PCNX2: variants seen among roughly 807,000 people sequenced by gnomAD.
PCNX2 encodes the protein pecanex 2, also known as pecanex-like protein 2.
A neutral mutation model predicts 223.8 loss-of-function variants in PCNX2; 168 were observed. That is an observed-to-expected ratio of 0.75 (90% confidence interval 0.66 to 0.85). The LOEUF (loss-of-function observed/expected upper bound fraction) is 0.85, where lower values mean the gene tolerates loss of function less well. Among genes scored for constraint, PCNX2 ranks in the 40% least tolerant of loss-of-function variants. PCNX2 has a pLI of 0.00. For missense variants in PCNX2, 2,507 were observed against 2,675.5 expected (o/e 0.94, Z 1.39); for synonymous variants, 1,006 against 1,052.6 (o/e 0.96, Z 0.86).
At chr1:232,993,433 G>A (rs1448926834) in intron 32 of PCNX2, among the ~76,000 whole-genome samples, 1 of 152,194 alleles carries the variant, frequency 6.6e-6, no homozygotes, top group Non-Finnish European at 1.5e-5. Context: ...TTCACAAGGT[G>A]ACCTGGCTTA....
chr1:233,206,927 C>T (rs1681502892), intron 13 of PCNX2, among the ~76,000 whole-genome samples: 1 of 151,680 alleles, frequency 6.6e-6, no homozygotes, highest in Admixed American at 6.6e-5. Flanking sequence ...TGGAGAATCG[C>T]TTGAATCCAG....
At chr1:233,026,270 C>A (rs1399171846) in intron 25 of PCNX2, among the ~76,000 whole-genome samples, 1 of 152,112 alleles carries the variant, frequency 6.6e-6, no homozygotes, top group African/African-American at 2.4e-5. Flanking sequence ...CAGATGACTA[C>A]GTCCAAGGCC....
chr1:233,321,938 C>T, the PCNX2 span, among the ~76,000 whole-genome samples: 1 of 151,982 alleles, frequency 6.6e-6, no homozygotes, highest in Admixed American at 6.6e-5. Flanking sequence ...CCTTGTAGAC[C>T]CCCTGAAAAG....
the PCNX2 span, among the ~76,000 whole-genome samples, chr1:233,322,795 C>T: frequency 2.0e-5 from 3 of 151,808 alleles, no homozygotes; most frequent in African/African-American, 7.3e-5. Context: ...CCCTTGATCT[C>T]TGCATGACCC....
At chr1:233,083,675 C>G (rs375743477) in intron 23 of PCNX2, among the ~76,000 whole-genome samples, 11 of 152,228 alleles carry the variant, frequency 7.2e-5, no homozygotes, top group Admixed American at 5.9e-4. Context: ...AACCATAAAA[C>G]CGTGGGACTT....
chr1:233,267,799 G>A (rs1295779822), intron 1 of PCNX2, among the ~76,000 whole-genome samples: 1 of 152,038 alleles, frequency 6.6e-6, no homozygotes. Flanking sequence ...TCTACCTTTT[G>A]GCTACTGTGA....
chr1:233,027,968 T>C (rs2102837736), intron 25 of PCNX2, among the ~76,000 whole-genome samples: 1 of 152,378 alleles, frequency 6.6e-6, no homozygotes, highest in East Asian at 1.9e-4. Flanking sequence ...AGTTATTTTG[T>C]GATTAACTTA....
intron 1 of PCNX2, among the ~76,000 whole-genome samples, chr1:233,283,130 G>A (rs1290964884): frequency 1.1e-5 from 1 of 91,734 alleles, no homozygotes; most frequent in Non-Finnish European, 2.6e-5. Flanking sequence ...TTTTAGGACT[G>A]AGCAAATGAT....
intron 32 of PCNX2, among the ~76,000 whole-genome samples, chr1:232,996,597 AC>A (rs1669883166): frequency 6.6e-6 from 1 of 151,872 alleles, no homozygotes; most frequent in Admixed American, 6.6e-5. Context: ...CTATCTATCT[AC>A]CTACCTAGCT....
At chr1:233,279,241 C>CG (rs1404295550) in intron 1 of PCNX2, among the ~76,000 whole-genome samples, 1 of 152,006 alleles carries the variant, frequency 6.6e-6, no homozygotes, top group Admixed American at 6.6e-5. Flanking sequence ...TTGTTTGAGA[C>CG]AAGGTCTCAC....
At chr1:233,140,846 CCCCTCTCATT>C (rs1677062220) in intron 19 of PCNX2, among the ~76,000 whole-genome samples, 1 of 152,164 alleles carries the variant, frequency 6.6e-6, no homozygotes, top group South Asian at 2.1e-4. Flanking sequence ...CTCGGCTAGG[CCCCTCTCATT>C]CCCTGCCCCC....
intron 25 of PCNX2, among the ~76,000 whole-genome samples, chr1:233,044,436 GC>G (rs1167867234): frequency 2.0e-5 from 3 of 151,968 alleles, no homozygotes; most frequent in Non-Finnish European, 4.4e-5. Context: ...ATCAATTTTG[GC>G]TTTTGTTGTA....
chr1:233,248,264 G>A (rs548476259), intron 8 of PCNX2, among the ~76,000 whole-genome samples: 215 of 151,986 alleles, frequency 1.4e-3, no homozygotes, highest in Non-Finnish European at 2.4e-3. Context: ...ATCCCTCGGA[G>A]AGCCAGCCCC....
In PCNX2 at chr1:233,252,678, C is replaced by T. The variant is rs773709938; in HGVS notation, c.1945G>A (p.Gly649Ser). ...DLQSQDHTST[G>S]PACTQPAKTT... ...TTGGCAGGCTGAGTGCATGCGGGGC[C>T]GGTGCTAGTATGGTCTTGACTTTGC... Residue 649 changes from glycine to serine, a missense_variant, in exon 6 of 34, where the codon GGC (glycine) becomes AGC (serine). Gly to Ser is a moderately conservative substitution (Grantham distance 56, BLOSUM62 0). Transcript: ENST00000258229. 2.3e-5 allele frequency: 37 copies of T among 1,613,528 alleles called. No homozygotes were observed. The highest frequency in any genetic ancestry group is 1.6e-4 in the Middle Eastern group (1 of 6,076).
Position 233,122,737 on chromosome 1 carries a change from G to A in PCNX2, c.3837+12276C>T, listed in dbSNP as rs1024701481. On this transcript the variant is annotated intron_variant, in intron 21 of 33. Transcript: ENST00000258229. ...GGGGTTCCACCATGTTGGTCAGACC[G>A]GTCTTGAACTCCTGACCTCAGGTGA... is the stretch of plus-strand genomic sequence containing the variant. 7.2e-5 allele frequency among the ~76,000 whole-genome samples: 11 copies of A among 151,878 alleles called. No homozygotes were observed. The South Asian group carries it at 8.3e-4, about 11-fold the overall frequency.
chr1:233,119,062 G>A (rs1438747673), intron 21 of PCNX2, among the ~76,000 whole-genome samples: 1 of 152,030 alleles, frequency 6.6e-6, no homozygotes, highest in Non-Finnish European at 1.5e-5. Context: ...ACAAACATGA[G>A]CAACTGATTT....
Position 233,017,080 on chromosome 1 carries a change from C to T in PCNX2, c.4680G>A (p.Leu1560=). ...WIKNESLLKS[L]QPFAKWHYIE... ...TGTAATGCCACTTGGCAAAGGGCTG[C>T]AGGGACTTCAGAAGTGATTCATTTT... The change falls in exon 27 of 34, where the codon CTG becomes CTA. Residue 1560 remains leucine (L), a synonymous_variant. Transcript: ENST00000258229. The T allele has an allele frequency of 6.2e-7, 1 of 1,605,808 alleles. No individual in the cohort carries two copies. The highest frequency in any genetic ancestry group is 1.1e-5 in the South Asian group (1 of 90,848).
the PCNX2 span, among the ~76,000 whole-genome samples, chr1:233,310,303 T>C: frequency 6.6e-6 from 1 of 152,276 alleles, no homozygotes; most frequent in East Asian, 1.9e-4. Flanking sequence ...TAATGAAATA[T>C]CTGATGTATC....
At chr1:233,112,746 ATACTT>A in intron 21 of PCNX2, 3 of 980,872 alleles carry the variant, frequency 3.1e-6, no homozygotes, top group Non-Finnish European at 4.0e-6. Context: ...TTATTATAGT[ATACTT>A]TGGCATGAGA....
Sources: allele counts gnomAD v4.1 joint callset (sites outside exome capture counted in the v4.1 genomes callset), GRCh38; gene constraint gnomAD v4.1.1; transcripts MANE v1.5; gene names NCBI Gene and HGNC (gene_info 2026-07-23, HGNC 2026-07-21).